ANKHD1: variants seen among roughly 807,000 people sequenced by gnomAD.
The protein encoded by ANKHD1 is ankyrin repeat and KH domain containing 1.
ANKHD1 carries 31 observed loss-of-function variants against 230.5 expected under a neutral mutation model. The ratio of observed to expected loss-of-function variants is 0.13; its 90% CI spans 0.10 to 0.18. The LOEUF is 0.18. Ranked by LOEUF, ANKHD1 falls within the 10% of genes least tolerant of loss-of-function variation. The pLI is 1.00. For synonymous variants in ANKHD1, 1,074 were observed against 1,117.6 expected (o/e 0.96, Z 0.78); for missense variants, 2,256 against 3,071.3 (o/e 0.73, Z 6.27).
At chr5:140,511,891 T>A (rs1167152411) in intron 22 of ANKHD1, among the ~76,000 whole-genome samples, 2 of 152,218 alleles carry the variant, frequency 1.3e-5, no homozygotes, top group Non-Finnish European at 2.9e-5. Context: ...TTCTTAAGGA[T>A]GTTTTAGAAC....
intron 1 of ANKHD1, among the ~76,000 whole-genome samples, chr5:140,430,408 G>A (rs989629127): frequency 1.3e-5 from 2 of 152,146 alleles, no homozygotes; most frequent in African/African-American, 4.8e-5. Flanking sequence ...CTATGTAACA[G>A]TATCATCAGG....
At chr5:140,476,743 A>T (rs1026335016) in intron 10 of ANKHD1, among the ~76,000 whole-genome samples, 2 of 152,206 alleles carry the variant, frequency 1.3e-5, no homozygotes, top group African/African-American at 4.8e-5. Context: ...AAGGCGTGGG[A>T]TACAAGAAAC....
chr5:140,524,620 T>A (rs909142245), intron 25 of ANKHD1, among the ~76,000 whole-genome samples: 5 of 152,184 alleles, frequency 3.3e-5, no homozygotes, highest in African/African-American at 9.6e-5. Flanking sequence ...CTCAAGGATA[T>A]AGAGGCCTGA....
In ANKHD1 at chr5:140,412,309, C is replaced by T. The variant is rs928622371; in HGVS notation, c.306+10036C>T. Among the ~76,000 whole-genome samples the T allele has an allele frequency of 7.9e-5, 12 of 152,206 alleles. No homozygotes were observed. In the East Asian group the frequency reaches 1.5e-3, roughly 20 times the overall value. On this transcript the variant is annotated intron_variant, in intron 1 of 33. Coordinates refer to ENST00000360839, the MANE Select transcript of ANKHD1 (RefSeq NM_017747.3). The stretch of plus-strand genomic sequence containing the variant: ...CCTCCCAAAGTGCTGCGATTACAGG[C>T]GTGAGCCACCGTGCCCGGCTATTTT...
chr5:140,435,703 A>AT (rs908287671), intron 1 of ANKHD1, among the ~76,000 whole-genome samples: 46 of 146,898 alleles, frequency 3.1e-4, no homozygotes, highest in South Asian at 6.5e-4. Context: ...TTCAGTATTA[A>AT]TTTTTTTTTT....
intron 9 of ANKHD1, among the ~76,000 whole-genome samples, chr5:140,463,012 AT>A (rs567676520): frequency 9.5e-5 from 14 of 147,394 alleles, no homozygotes; most frequent in Admixed American, 2.0e-4. Flanking sequence ...TGCCCCGCTA[AT>A]TTTTTTTTTT....
At chr5:140,511,879 A>G (rs1752785086) in intron 22 of ANKHD1, among the ~76,000 whole-genome samples, 1 of 152,124 alleles carries the variant, frequency 6.6e-6, no homozygotes, top group African/African-American at 2.4e-5. Context: ...CCATCACACT[A>G]ATTCTTAAGG....
chr5:140,402,074 G>C lies in ANKHD1; in HGVS notation c.107G>C (p.Gly36Ala), dbSNP rs753292550. ...AGASEPPPPG[G>A]VGLGIRTVRL... ...GCCTCGGAGCCGCCTCCGCCGGGAG[G>C]GGTCGGTCTGGGGATCCGCACCGTG... The change falls in exon 1 of 34, where the codon GGG (glycine) becomes GCG (alanine). Residue 36 changes from glycine to alanine, a missense_variant. Physicochemically the swap from Gly to Ala is moderately conservative, Grantham distance 60 (BLOSUM62 0). This residue lies in a region of ANKHD1 where 193 missense variants were observed against 185.8 expected (regional missense o/e 1.04). Coordinates refer to ENST00000360839, the MANE Select transcript of ANKHD1 (RefSeq NM_017747.3). 4 of 1,493,784 alleles carry C rather than the reference G, an allele frequency of 2.7e-6. No homozygotes were observed. The South Asian group carries it at 4.0e-5, about 15-fold the overall frequency. The allele number at this position is 1,493,784 out of a possible 1,614,324, so 92.5% of individuals were successfully genotyped here.
At chr5:140,487,379 C>G (rs1561790219) in intron 14 of ANKHD1, among the ~76,000 whole-genome samples, 1 of 152,150 alleles carries the variant, frequency 6.6e-6, no homozygotes, top group Middle Eastern at 3.4e-3. Context: ...TTTGATAATT[C>G]TTTAGCTAAC....
Position 140,459,177 on chromosome 5 carries a change from T to C in ANKHD1, c.1494T>C (p.Asn498=). The change falls in exon 9 of 34, where the codon AAT becomes AAC. Residue 498 remains asparagine (N), a synonymous_variant. Transcript: ENST00000360839. The stretch of plus-strand genomic sequence containing the variant: ...ATACTTTCCTAGGAGCAAATATAAA[T>C]GCCCAGACAGAAGAAACTCAAGAAA... The part of the protein sequence containing the change: ...ALLLAQGANI[N]AQTEETQETA... 6.3e-7 allele frequency: 1 copy of C among 1,591,882 alleles called. No homozygotes were observed. Among genetic ancestry groups the C allele is most frequent in the Non-Finnish European group, 8.6e-7 (1 of 1,165,940 alleles).
At chr5:140,535,284 C>A in intron 29 of ANKHD1, 78 bp from the exon 30 acceptor site, 1 of 1,495,758 alleles carries the variant, frequency 6.7e-7, no homozygotes, top group Non-Finnish European at 8.9e-7. Context: ...CAGCTTATCT[C>A]ACTTTGGTGG....
chr5:140,537,336 A>T (rs1754131160), intron 30 of ANKHD1, 53 bp from the exon 31 acceptor site: 2 of 1,566,632 alleles, frequency 1.3e-6, no homozygotes, highest in East Asian at 4.6e-5. Flanking sequence ...TTTTGCCACC[A>T]GGTGACTCTC....
chr5:140,432,268 A>G lies in ANKHD1; in HGVS notation c.307-3836A>G, dbSNP rs569916178. ...TCCTATTCTTCCCTTCTCCACTCCC[A>G]AGGCAACCTATTGTCTTTTTCTATG... On this transcript the variant is annotated intron_variant, in intron 1 of 33. Transcript: ENST00000360839. 1.5e-4 allele frequency among the ~76,000 whole-genome samples: 23 copies of G among 152,310 alleles called. No individual in the cohort carries two copies. In the South Asian group the frequency reaches 4.8e-3, roughly 32 times the overall value.
In ANKHD1 at chr5:140,478,369, T is replaced by C. The variant is rs1211678255; in HGVS notation, c.1783-4211T>C. ...AAGGCTTTTCTTTCTTTTTCTTTTTTTTTTTTTTTAGGGGAAAAGGCACAG... is the reference window on the plus strand; with the variant it reads ...AAGGCTTTTCTTTCTTTTTCTTTTTCTTTTTTTTTAGGGGAAAAGGCACAG... On this transcript the variant is annotated intron_variant, in intron 10 of 33. Transcript: ENST00000360839. Among the ~76,000 whole-genome samples the C allele has an allele frequency of 1.2e-4, 18 of 150,810 alleles. 1 individual carries two copies. Among genetic ancestry groups the C allele is most frequent in the Admixed American group, 6.6e-4 (10 of 15,190 alleles).
intron 9 of ANKHD1, among the ~76,000 whole-genome samples, chr5:140,462,681 T>C (rs1393117656): frequency 1.5e-4 from 19 of 127,612 alleles, no homozygotes; most frequent in African/African-American, 5.3e-4. Flanking sequence ...GCCGAGATGG[T>C]GCCACTGCAC....
At chr5:140,406,453 T>A (rs1770454170) in intron 1 of ANKHD1, among the ~76,000 whole-genome samples, 1 of 152,074 alleles carries the variant, frequency 6.6e-6, no homozygotes, top group Non-Finnish European at 1.5e-5. Flanking sequence ...TAAGGACCTC[T>A]TTATATTTAA....
At chr5:140,509,590 T>TA (rs781478968) in intron 20 of ANKHD1, 47 bp from the exon 21 acceptor site, 6 of 1,461,604 alleles carry the variant, frequency 4.1e-6, no homozygotes, top group African/African-American at 2.9e-5. Context: ...ACGGAATAGT[T>TA]AAAAAAAGAA....
chr5:140,469,339 C>CA (rs1034952876), intron 10 of ANKHD1, among the ~76,000 whole-genome samples: 3,780 of 87,422 alleles, frequency 0.043, 171 homozygotes, highest in African/African-American at 0.13. Context: ...CTGTCTCTAC[C>CA]AAAAAAAAAA....
At chr5:140,510,377 A>T (rs779404833) in intron 22 of ANKHD1, among the ~76,000 whole-genome samples, 196 bp downstream of exon 22, 1 of 132,126 alleles carries the variant, frequency 7.6e-6, no homozygotes, top group Non-Finnish European at 1.5e-5. Context: ...CAGTGGCATG[A>T]TCGCGGCTCA....
Sources: gnomAD v4.1 joint callset for allele counts (sites outside exome capture counted in the v4.1 genomes callset) on GRCh38, gnomAD v4.1.1 for gene constraint, gnomAD v4.1.1 regional missense constraint, MANE v1.5 for transcripts, NCBI Gene and HGNC (gene_info 2026-07-23, HGNC 2026-07-21) for gene names.